HOMER2: variants seen among roughly 807,000 people sequenced by gnomAD.
HOMER2 encodes the protein homer protein homolog 2.
A neutral mutation model predicts 47.0 loss-of-function variants in HOMER2; 27 were observed. That is an observed-to-expected ratio of 0.57 (90% CI 0.42 to 0.79). The LOEUF (loss-of-function observed/expected upper bound fraction) is 0.79. Among genes scored for constraint, HOMER2 ranks in the 30% least tolerant of loss-of-function variants. The pLI is 0.00. For missense variants in HOMER2, 443 were observed against 435.0 expected, an observed-to-expected ratio of 1.02 and a Z score of -0.16; for synonymous variants, 161 against 163.8, an observed-to-expected ratio of 0.98 and a Z score of 0.13.
intron 1 of HOMER2, among the ~76,000 whole-genome samples, chr15:82,971,216 G>A (rs149822639): frequency 3.1e-4 from 47 of 152,224 alleles, no homozygotes; most frequent in African/African-American, 7.9e-4. Context: ...GCTCTGGATC[G>A]TGCCATAGGT....
chr15:82,863,527 C>A (rs1301428720), intron 4 of HOMER2, among the ~76,000 whole-genome samples: 1 of 152,192 alleles, frequency 6.6e-6, no homozygotes, highest in Non-Finnish European at 1.5e-5. Flanking sequence ...ACTCCTGCCC[C>A]TAAGTATTCT....
intron 2 of HOMER2, among the ~76,000 whole-genome samples, chr15:82,884,660 T>C (rs2052595786): frequency 1.3e-5 from 1 of 76,508 alleles, no homozygotes; most frequent in African/African-American, 7.6e-5. Flanking sequence ...TTGAAGCAAT[T>C]GTGAATGGGA....
intron 1 of HOMER2, chr15:82,898,275 T>A (rs7183030): frequency 0.43 from 64,611 of 151,740 alleles, 13,957 homozygotes; most frequent in South Asian, 0.47. Flanking sequence ...AGTCATTTCC[T>A]CCAGTGTGCA....
At chr15:82,869,164 T>A (rs2052094263) in intron 3 of HOMER2, among the ~76,000 whole-genome samples, 1 of 152,108 alleles carries the variant, frequency 6.6e-6, no homozygotes, top group African/African-American at 2.4e-5. Flanking sequence ...GCCACCTCAA[T>A]AAAGCTGTTT....
At chr15:82,951,036 T>C (rs1246221803) in intron 1 of HOMER2, among the ~76,000 whole-genome samples, 1 of 152,132 alleles carries the variant, frequency 6.6e-6, no homozygotes, top group Middle Eastern at 3.2e-3. Flanking sequence ...TCCCTGTACA[T>C]TTTTTTAAAG....
At chr15:82,867,172 AAAG>A (rs2051998273) in intron 3 of HOMER2, among the ~76,000 whole-genome samples, 1 of 152,202 alleles carries the variant, frequency 6.6e-6, no homozygotes, top group Admixed American at 6.5e-5. Flanking sequence ...GGGGCAAGAA[AAAG>A]AAAATCAAAC....
intron 1 of HOMER2, among the ~76,000 whole-genome samples, chr15:82,950,504 G>A (rs1172865752): frequency 6.6e-6 from 1 of 152,100 alleles, no homozygotes; most frequent in African/African-American, 2.4e-5. Flanking sequence ...TCTCAGAAAG[G>A]ATGACATTGG....
intron 3 of HOMER2, among the ~76,000 whole-genome samples, chr15:82,867,814 A>G (rs1281627086): frequency 3.9e-5 from 6 of 152,072 alleles, no homozygotes; most frequent in Admixed American, 6.6e-5. Flanking sequence ...ATATGGGGGG[A>G]AAAAAGGCCC....
chr15:82,952,653 G>A lies in HOMER2; in HGVS notation c.-118C>T. 9.9e-7 allele frequency: 1 copy of A among 1,007,276 alleles called. No homozygotes were observed. Among genetic ancestry groups the A allele is most frequent in the Non-Finnish European group, 1.2e-6 (1 of 845,820 alleles). The allele number at this position is 1,007,276 out of a possible 1,614,324, so 62.4% of individuals were successfully genotyped here. On this transcript the variant is annotated 5_prime_UTR_variant, in exon 1 of 9. Transcript: ENST00000450735. ...GCCCGTGCGCGCCCGGCTCAGCCCCGGCGCCGCTCCATTCCGCGGGGCTGC... is the reference window on the plus strand; with the variant it reads ...GCCCGTGCGCGCCCGGCTCAGCCCCAGCGCCGCTCCATTCCGCGGGGCTGC...
chr15:82,908,750 A>ATT (rs2053362738), intron 1 of HOMER2, among the ~76,000 whole-genome samples: 1 of 150,364 alleles, frequency 6.7e-6, no homozygotes. Context: ...TTTTTTTTAA[A>ATT]AAAAAAAAAA....
At chr15:82,955,856 C>T (rs1004082800), upstream of HOMER2, among the ~76,000 whole-genome samples, 2 of 152,094 alleles carry the variant, frequency 1.3e-5, no homozygotes, top group Non-Finnish European at 2.9e-5. Flanking sequence ...AATAATCACA[C>T]AAATATATAA....
chr15:82,908,035 A>C (rs2053338642), intron 1 of HOMER2, among the ~76,000 whole-genome samples: 1 of 152,230 alleles, frequency 6.6e-6, no homozygotes, highest in African/African-American at 2.4e-5. Flanking sequence ...TTTATATGAA[A>C]TGTCCAGAAT....
At chr15:82,935,263 C>A (rs1017033156) in intron 1 of HOMER2, among the ~76,000 whole-genome samples, 3 of 152,186 alleles carry the variant, frequency 2.0e-5, no homozygotes, top group African/African-American at 7.2e-5. Flanking sequence ...CCTTCCAACC[C>A]ACCTGGCTCC....
intron 1 of HOMER2, among the ~76,000 whole-genome samples, chr15:82,907,673 T>C (rs576302265): frequency 2.0e-5 from 3 of 152,280 alleles, no homozygotes; most frequent in East Asian, 1.9e-4. Flanking sequence ...GAAGAGTAGA[T>C]TGCATGTTCT....
chr15:82,938,110 G>A (rs1437603809), intron 1 of HOMER2, among the ~76,000 whole-genome samples: 1 of 152,136 alleles, frequency 6.6e-6, no homozygotes. Context: ...GGTGGCTCAT[G>A]CCTGTAATCC....
intron 1 of HOMER2, among the ~76,000 whole-genome samples, chr15:82,899,392 A>C (rs1596334411): frequency 6.6e-6 from 1 of 151,072 alleles, no homozygotes; most frequent in Non-Finnish European, 1.5e-5. Context: ...CCTGACCCAC[A>C]CTCTAGGTGG....
At chr15:82,880,877 G>A (rs984350358) in intron 2 of HOMER2, among the ~76,000 whole-genome samples, 13 of 152,310 alleles carry the variant, frequency 8.5e-5, no homozygotes, top group Non-Finnish European at 1.5e-4. Flanking sequence ...GGCAGTACAC[G>A]TGCCACAGGT....
intron 1 of HOMER2, among the ~76,000 whole-genome samples, chr15:82,927,827 G>A (rs561979649): frequency 9.9e-5 from 15 of 152,130 alleles, no homozygotes; most frequent in African/African-American, 2.2e-4. Context: ...AAAATTAGCC[G>A]GGCATAGTAG....
chr15:82,873,930 C>G (rs2052261080), intron 3 of HOMER2, among the ~76,000 whole-genome samples: 1 of 152,214 alleles, frequency 6.6e-6, no homozygotes, highest in Non-Finnish European at 1.5e-5. Context: ...CACACATGCA[C>G]ACACACTGGA....
Sources: gnomAD v4.1 joint callset for allele counts (sites outside exome capture counted in the v4.1 genomes callset) on GRCh38, gnomAD v4.1.1 for gene constraint, MANE v1.5 for transcripts, NCBI Gene and HGNC (gene_info 2026-07-23, HGNC 2026-07-21) for gene names.